Variants in PTPRN2 observed in about 807,000 individuals in gnomAD.
The protein encoded by PTPRN2 is receptor-type tyrosine-protein phosphatase N2.
In PTPRN2, 74 loss-of-function variants were observed where a neutral mutation model predicts 118.8. The ratio of observed to expected loss-of-function variants is 0.62; its 90% CI spans 0.52 to 0.76. The LOEUF (loss-of-function observed/expected upper bound fraction) is 0.76. Among genes scored for constraint, PTPRN2 ranks in the 30% least tolerant of loss-of-function variants. PTPRN2 has a pLI of 0.00. For missense variants in PTPRN2, 1,481 were observed against 1,394.4 expected, an observed-to-expected ratio of 1.06 and a Z score of -0.99; for synonymous variants, 641 against 608.0, an observed-to-expected ratio of 1.05 and a Z score of -0.80.
intron 11 of PTPRN2, among the ~76,000 whole-genome samples, chr7:157,965,649 G>T (rs745307768): frequency 6.6e-6 from 1 of 152,160 alleles, no homozygotes. Flanking sequence ...GCCCCAGCAG[G>T]TTCCAGCTCT....
intron 6 of PTPRN2, among the ~76,000 whole-genome samples, chr7:158,159,673 T>C (rs1822185195): frequency 7.2e-6 from 1 of 139,790 alleles, no homozygotes. Flanking sequence ...TTGTCATTGG[T>C]TCATTTAGAA....
At chr7:158,054,668 G>A (rs1256188141) in intron 11 of PTPRN2, among the ~76,000 whole-genome samples, 1 of 152,162 alleles carries the variant, frequency 6.6e-6, no homozygotes, top group Admixed American at 6.5e-5. Flanking sequence ...GCACCTCTCT[G>A]CCCATCCCAC....
intron 6 of PTPRN2, among the ~76,000 whole-genome samples, chr7:158,150,858 T>C (rs890010909): frequency 6.6e-6 from 1 of 152,084 alleles, no homozygotes; most frequent in Non-Finnish European, 1.5e-5. Flanking sequence ...GCCTCCTTTC[T>C]GTTCTTCCAA....
At position 158,489,723 on chromosome 7, in the gene PTPRN2, C is replaced by A; in HGVS notation, c.163+12G>T. On this transcript the variant is annotated intron_variant, in intron 2 of 22. Transcript: ENST00000389418. ...GCAGACCAGGGCGCAGCAGCCAGGA[C>A]CCCACACTCACCGTTCACACAGGCC... 1 of 1,575,080 alleles carries A rather than the reference C, an allele frequency of 6.3e-7. No individual in the cohort carries two copies. The highest frequency in any genetic ancestry group is 1.4e-5 in the African/African-American group (1 of 74,064).
chr7:158,538,530 G>A (rs1451326209), intron 1 of PTPRN2, among the ~76,000 whole-genome samples: 3 of 152,178 alleles, frequency 2.0e-5, no homozygotes, highest in Admixed American at 1.3e-4. Flanking sequence ...TAATGCGTGT[G>A]TGCCTCTCCC....
At chr7:157,892,898 T>C (rs1179592156) in intron 12 of PTPRN2, among the ~76,000 whole-genome samples, 1 of 152,194 alleles carries the variant, frequency 6.6e-6, no homozygotes, top group African/African-American at 2.4e-5. Context: ...GGCCCATTGT[T>C]TCCTCTGAAG....
At chr7:158,387,576 C>T in intron 2 of PTPRN2, among the ~76,000 whole-genome samples, 1 of 6,104 alleles carries the variant, frequency 1.6e-4, no homozygotes, top group African/African-American at 5.9e-4. Context: ...CCTGTCAGCT[C>T]AGCTTGGCCC....
chr7:158,250,519 A>G (rs1796586586), intron 3 of PTPRN2, among the ~76,000 whole-genome samples: 1 of 152,056 alleles, frequency 6.6e-6, no homozygotes, highest in Non-Finnish European at 1.5e-5. Flanking sequence ...GCATACATGT[A>G]CACACCCATG....
chr7:157,968,026 G>C (rs1023161255), intron 11 of PTPRN2, among the ~76,000 whole-genome samples: 5 of 152,182 alleles, frequency 3.3e-5, no homozygotes, highest in Admixed American at 2.6e-4. Flanking sequence ...TCCCTTTATA[G>C]ACTTGGCTTT....
intron 11 of PTPRN2, among the ~76,000 whole-genome samples, chr7:157,942,871 C>T (rs1002535908): frequency 4.6e-5 from 7 of 152,306 alleles, no homozygotes; most frequent in Middle Eastern, 3.4e-3. Context: ...CCTTCATCTG[C>T]GTAGCCTGAA....
rs1320059411 is a variant in PTPRN2 at position 157,629,029 on chromosome 7, C to G, written c.2197-7520G>C. On this transcript the variant is annotated intron_variant, in intron 14 of 22. Transcript: ENST00000389418. The surrounding 1 kb of genome is among the most constrained non-coding windows in gnomAD (Gnocchi z 4.4). Reference sequence around the variant, plus strand: ...CGGTGGGAAGAGCACACCAGCATCCCGTGTGCATCTGATGCAGGACCCGCT... The same window carrying G: ...CGGTGGGAAGAGCACACCAGCATCCGGTGTGCATCTGATGCAGGACCCGCT... Among the ~76,000 whole-genome samples the G allele has an allele frequency of 6.6e-6, 1 of 152,138 alleles. No individual in the cohort carries two copies. The highest frequency in any genetic ancestry group is 2.1e-4 in the South Asian group (1 of 4,818).
chr7:157,717,730 G>A (rs942099231), intron 12 of PTPRN2, among the ~76,000 whole-genome samples: 3 of 152,256 alleles, frequency 2.0e-5, no homozygotes, highest in Non-Finnish European at 4.4e-5. Context: ...GGTGGCCGGG[G>A]CACGCAGCAG....
rs118066163 is a variant in PTPRN2 at position 158,388,271 on chromosome 7, G to A, written c.164-71339C>T. On this transcript the variant is annotated intron_variant, in intron 2 of 22. Transcript: ENST00000389418. ...GGAAGCCACGGTTCACGTCAATCCC[G>A]GCACCAAGGTCCCAGAATTCACAGC... Among the ~76,000 whole-genome samples the A allele has an allele frequency of 7.9e-3, 1,208 of 152,118 alleles. 12 individuals are homozygous for A. Among genetic ancestry groups the A allele is most frequent in the South Asian group, 0.024 (116 of 4,798 alleles).
intron 13 of PTPRN2, among the ~76,000 whole-genome samples, chr7:157,657,426 C>A (rs62648723): frequency 4.2e-5 from 2 of 47,478 alleles, no homozygotes; most frequent in Admixed American, 2.6e-4. Context: ...CACACACATA[C>A]GCCACACACA....
intron 2 of PTPRN2, among the ~76,000 whole-genome samples, chr7:158,440,536 ATGG>A (rs1052256593): frequency 1.1e-4 from 17 of 148,468 alleles, no homozygotes; most frequent in East Asian, 5.9e-4. Flanking sequence ...TGTGGTAATG[ATGG>A]TGGTGGTGGC....
chr7:157,682,332 G>A (rs1461430975), intron 13 of PTPRN2, among the ~76,000 whole-genome samples: 4 of 152,206 alleles, frequency 2.6e-5, no homozygotes, highest in Non-Finnish European at 4.4e-5. Flanking sequence ...AGAAGACCCC[G>A]AGGAAGCCGA....
intron 11 of PTPRN2, among the ~76,000 whole-genome samples, chr7:157,932,262 A>G (rs1366362321): frequency 6.6e-6 from 1 of 152,268 alleles, no homozygotes; most frequent in Non-Finnish European, 1.5e-5. Flanking sequence ...ACTAATATCT[A>G]ATCAACAGAA....
intron 12 of PTPRN2, among the ~76,000 whole-genome samples, chr7:157,850,452 G>C (rs918576606): frequency 3.3e-5 from 5 of 151,628 alleles, no homozygotes; most frequent in Non-Finnish European, 1.5e-5. Context: ...CCTCACGCTC[G>C]CATAAGGGAT....
At chr7:158,311,890 T>G (rs1020462502) in intron 3 of PTPRN2, among the ~76,000 whole-genome samples, 2 of 116,004 alleles carry the variant, frequency 1.7e-5, no homozygotes, top group African/African-American at 7.0e-5. Context: ...CACCTGCACG[T>G]GTAGACACCC....
Sources: gnomAD v4.1 joint callset for allele counts (sites outside exome capture counted in the v4.1 genomes callset) on GRCh38, gnomAD v4.1.1 for gene constraint, Gnocchi (gnomAD v3.1) non-coding constraint, MANE v1.5 for transcripts, NCBI Gene and HGNC (gene_info 2026-07-23, HGNC 2026-07-21) for gene names.